ENOPH1: variants seen among roughly 807,000 people sequenced by gnomAD.
The protein encoded by ENOPH1 is enolase-phosphatase 1, also known as enolase-phosphatase E1.
Under a neutral mutation model 31.1 loss-of-function variants are expected in ENOPH1, and 14 were observed. The ratio of observed to expected loss-of-function variants is 0.45; its 90% CI spans 0.30 to 0.70. The LOEUF is 0.70. ENOPH1 is among the 30% of genes least tolerant of loss of function. The pLI is 0.09. For synonymous variants in ENOPH1, 127 were observed against 123.2 expected (o/e 1.03, Z -0.21); for missense variants, 243 against 321.5 (o/e 0.76, Z 1.87).
At chr4:82,456,527 C>T (rs76528839) in intron 4 of ENOPH1, among the ~76,000 whole-genome samples, 2,310 of 152,144 alleles carry the variant, frequency 0.015, 61 homozygotes, top group African/African-American at 0.052. Context: ...ATTTTTTCAT[C>T]GTAAGATTAA....
chr4:82,457,572 T>A (rs1050865863), intron 5 of ENOPH1, among the ~76,000 whole-genome samples: 9 of 152,130 alleles, frequency 5.9e-5, no homozygotes, highest in Non-Finnish European at 1.2e-4. Flanking sequence ...AAAGACTAAC[T>A]CTTCTCGTTT....
At chr4:82,449,730 A>G (rs1722298171) in intron 2 of ENOPH1, among the ~76,000 whole-genome samples, 1 of 152,094 alleles carries the variant, frequency 6.6e-6, no homozygotes, top group South Asian at 2.1e-4. Context: ...CATTCTCCAT[A>G]TGACAGTACT....
At chr4:82,451,860 C>T (rs561306223) in intron 3 of ENOPH1, among the ~76,000 whole-genome samples, 1 of 152,084 alleles carries the variant, frequency 6.6e-6, no homozygotes, top group South Asian at 2.1e-4. Flanking sequence ...TGGCTCACTG[C>T]AGCCTTGACC....
At chr4:82,452,902 T>TC (rs1304242170) in intron 3 of ENOPH1, among the ~76,000 whole-genome samples, 4 of 133,494 alleles carry the variant, frequency 3.0e-5, no homozygotes, top group African/African-American at 1.2e-4. Context: ...GAGAAATTCT[T>TC]TTTTTTTTTT....
Position 82,449,010 on chromosome 4 carries a change from A to T in ENOPH1, c.186+989A>T, listed in dbSNP as rs958412156. Among the ~76,000 whole-genome samples, 8 of 146,482 alleles carry T rather than the reference A, an allele frequency of 5.5e-5. No individual in the cohort carries two copies. The Admixed American group carries it at 5.6e-4, about 10-fold the overall frequency. On this transcript the variant is annotated intron_variant, in intron 2 of 5. Transcript: ENST00000273920. The stretch of plus-strand genomic sequence containing the variant: ...GAGGCGGAGCTTGCAGTGAGCCGAG[A>T]TCCCGCCACTGCACTCCAGCCTGGG...
At chr4:82,454,282 A>G (rs1025028765) in intron 3 of ENOPH1, among the ~76,000 whole-genome samples, 1 of 152,130 alleles carries the variant, frequency 6.6e-6, no homozygotes, top group Non-Finnish European at 1.5e-5. Flanking sequence ...CTTTGTTTTG[A>G]TTATTTTGGG....
At chr4:82,441,612 C>T (rs1392432536) in intron 1 of ENOPH1, among the ~76,000 whole-genome samples, 2 of 151,776 alleles carry the variant, frequency 1.3e-5, no homozygotes, top group Admixed American at 6.6e-5. Context: ...CCAGCCTGGG[C>T]GACAGAGCGA....
intron 4 of ENOPH1, among the ~76,000 whole-genome samples, chr4:82,455,593 A>AACCC (rs1273521242): frequency 6.6e-6 from 1 of 150,920 alleles, no homozygotes; most frequent in Non-Finnish European, 1.5e-5. Context: ...ATCCTGGCTA[A>AACCC]CATGGTGAAA....
chr4:82,441,185 TG>T (rs976088630), intron 1 of ENOPH1, among the ~76,000 whole-genome samples: 31 of 152,150 alleles, frequency 2.0e-4, no homozygotes, highest in African/African-American at 6.8e-4. Context: ...ACTGAGTAGT[TG>T]ATAAAGGAAA....
At chr4:82,438,383 G>A (rs1345859812) in intron 1 of ENOPH1, among the ~76,000 whole-genome samples, 1 of 152,184 alleles carries the variant, frequency 6.6e-6, no homozygotes, top group East Asian at 1.9e-4. Context: ...GTTGGGCATG[G>A]TGGCTCACAC....
intron 1 of ENOPH1, among the ~76,000 whole-genome samples, chr4:82,446,234 A>G (rs1229198232): frequency 6.6e-6 from 1 of 152,126 alleles, no homozygotes; most frequent in Admixed American, 6.6e-5. Context: ...CCTGGCCAAC[A>G]TGGTGAAACC....
At chr4:82,444,715 T>C (rs1364707096) in intron 1 of ENOPH1, among the ~76,000 whole-genome samples, 1 of 152,188 alleles carries the variant, frequency 6.6e-6, no homozygotes, top group Non-Finnish European at 1.5e-5. Context: ...TAACATCTAA[T>C]GGAATTTAAT....
chr4:82,439,725 G>A (rs905890626), intron 1 of ENOPH1, among the ~76,000 whole-genome samples: 1 of 152,204 alleles, frequency 6.6e-6, no homozygotes, highest in African/African-American at 2.4e-5. Context: ...TCAGTAAGTT[G>A]AGTAAATTTT....
At position 82,451,179 on chromosome 4, in the gene ENOPH1, C is replaced by T. The variant is rs1365779078; in HGVS notation, c.323C>T (p.Thr108Ile). 1 of 1,614,236 alleles carries T rather than the reference C, an allele frequency of 6.2e-7. No individual in the cohort carries two copies. The highest frequency in any genetic ancestry group is 1.7e-5 in the Admixed American group (1 of 60,026). Residue 108 changes from threonine (T) to isoleucine (I), a missense_variant, in exon 3 of 6, where the codon ACT (threonine) becomes ATT (isoleucine). Thr to Ile is a moderately conservative substitution (Grantham distance 89). Coordinates refer to ENST00000273920, the MANE Select transcript of ENOPH1 (RefSeq NM_021204.5). Reference sequence around the variant, plus strand: ...CAGATGTCCCTGGATCGAAAGACCACTGCACTCAAACAGCTGCAGGGCCAC... The same window carrying T: ...CAGATGTCCCTGGATCGAAAGACCATTGCACTCAAACAGCTGCAGGGCCAC... ...CWQMSLDRKTTALKQLQGHMW... is the reference protein window; with the variant it reads ...CWQMSLDRKTIALKQLQGHMW...
intron 2 of ENOPH1, among the ~76,000 whole-genome samples, chr4:82,449,248 A>AC (rs1491508345): frequency 6.6e-6 from 1 of 152,168 alleles, no homozygotes; most frequent in African/African-American, 2.4e-5. Flanking sequence ...TCAAAAAAAA[A>AC]GAGTCCTTTC....
At position 82,454,444 on chromosome 4, in the gene ENOPH1, C is replaced by T. The variant is rs557408254; in HGVS notation, c.390-278C>T. Among the ~76,000 whole-genome samples, 5 of 152,232 alleles carry T rather than the reference C, an allele frequency of 3.3e-5. No individual in the cohort carries two copies. In the South Asian group the frequency reaches 8.3e-4, roughly 25 times the overall value. ...TTCGGGAATTTAAAAAACACTTTCC[C>T]ATTTCATCCTTTTATCTGTAGTCCC... On this transcript the variant is annotated intron_variant, in intron 3 of 5. Coordinates refer to ENST00000273920, the MANE Select transcript of ENOPH1 (RefSeq NM_021204.5).
chr4:82,443,538 T>C (rs372701951), intron 1 of ENOPH1, among the ~76,000 whole-genome samples: 6,013 of 145,584 alleles, frequency 0.041, 170 homozygotes, highest in Admixed American at 0.058. Flanking sequence ...GCCATCCTGG[T>C]TAACATGGTG....
At chr4:82,438,828 T>G (rs75112125) in intron 1 of ENOPH1, among the ~76,000 whole-genome samples, 116 of 152,300 alleles carry the variant, frequency 7.6e-4, no homozygotes, top group African/African-American at 2.7e-3. Flanking sequence ...GTCTTAAAAT[T>G]TTCTATCCTT....
chr4:82,432,257 A>G (rs1047208079), intron 1 of ENOPH1, among the ~76,000 whole-genome samples: 12 of 152,198 alleles, frequency 7.9e-5, no homozygotes, highest in African/African-American at 2.7e-4. Flanking sequence ...ACCAAACATA[A>G]CAACCTTTAA....
Sources: gnomAD v4.1 joint callset for allele counts (sites outside exome capture counted in the v4.1 genomes callset) on GRCh38, gnomAD v4.1.1 for gene constraint, MANE v1.5 for transcripts, NCBI Gene and HGNC (gene_info 2026-07-23, HGNC 2026-07-21) for gene names.